Variants in DMBT1 observed in about 807,000 individuals in gnomAD.
DMBT1 encodes the protein deleted in malignant brain tumors 1.
In DMBT1, 198 loss-of-function variants were observed where a neutral mutation model predicts 252.9. The ratio of observed to expected loss-of-function variants is 0.78; its 90% CI spans 0.70 to 0.88. The LOEUF (loss-of-function observed/expected upper bound fraction) is 0.88, where lower values mean the gene tolerates loss of function less well. Among genes scored for constraint, DMBT1 ranks in the 40% least tolerant of loss-of-function variants. The pLI, the probability that DMBT1 is intolerant of heterozygous loss-of-function variation, is 0.00. For synonymous variants in DMBT1, 990 were observed against 942.7 expected (o/e 1.05, Z -0.92); for missense variants, 2,432 against 2,404.7 (o/e 1.01, Z -0.24).
intron 5 of DMBT1, 42 bp from the exon 6 acceptor site, chr10:122,573,673 G>T: frequency 6.2e-7 from 1 of 1,611,686 alleles, no homozygotes; most frequent in Middle Eastern, 1.7e-4. Flanking sequence ...CTCCCCAAGC[G>T]AGGGCTACGA....
In DMBT1 at chr10:122,589,203, C is replaced by T; in HGVS notation, c.2043C>T (p.Cys681=). ...GACATGAGTCCTACCTGTGGAGCTGCCCCAACAATGGCTGGCTCTCCCACA... is the reference window on the plus strand; with the variant it reads ...GACATGAGTCCTACCTGTGGAGCTGTCCCAACAATGGCTGGCTCTCCCACA... ...CSGHESYLWS[C]PNNGWLSHNC... Residue 681 remains cysteine (C), a synonymous_variant, in exon 17 of 56, where the codon TGC becomes TGT. Transcript: ENST00000338354. 1 of 1,588,418 alleles carries T rather than the reference C, an allele frequency of 6.3e-7. No individual in the cohort carries two copies. The highest frequency in any genetic ancestry group is 8.6e-7 in the Non-Finnish European group (1 of 1,165,716).
chr10:122,587,081 C>T (rs560315602), intron 16 of DMBT1, among the ~76,000 whole-genome samples: 1 of 148,394 alleles, frequency 6.7e-6, no homozygotes, highest in Non-Finnish European at 1.5e-5. Context: ...AGCCTCACCT[C>T]TATACTTGGG....
At chr10:122,632,752 C>T in intron 50 of DMBT1, 109 bp from the exon 51 acceptor site, 1 of 1,432,822 alleles carries the variant, frequency 7.0e-7, no homozygotes, top group Non-Finnish European at 9.6e-7. Context: ...GTGTCCAGCT[C>T]CTCCCTGTGG....
Position 122,643,571 on chromosome 10 carries a change from T to C in DMBT1, c.*173T>C. 1.1e-6 allele frequency: 1 copy of C among 950,150 alleles called. No homozygotes were observed. Among genetic ancestry groups the C allele is most frequent in the East Asian group, 2.7e-5 (1 of 37,638 alleles). 58.9% of individuals were successfully genotyped at this position (950,150 alleles called of 1,614,324 possible). A position where few individuals can be genotyped will look rare whatever the true frequency, so the allele number is the denominator to read the frequency against. On this transcript the variant is annotated 3_prime_UTR_variant, in exon 56 of 56. Transcript: ENST00000338354. ...CCGCCTCCCCCAAGGCTCATGGTCC[T>C]TGGAGGACCCGTTGCAGGGTGAGGT...
intron 4 of DMBT1, among the ~76,000 whole-genome samples, chr10:122,571,786 G>T (rs1426669438): frequency 6.6e-6 from 1 of 152,194 alleles, no homozygotes; most frequent in Non-Finnish European, 1.5e-5. Flanking sequence ...CATGCCTGGG[G>T]TGTGCCCTTG....
rs553204869 is a variant in DMBT1 at position 122,597,471 on chromosome 10, G to A, written c.2917+417G>A. On this transcript the variant is annotated intron_variant, in intron 24 of 55. Coordinates refer to ENST00000338354, the MANE Select transcript of DMBT1 (RefSeq NM_001377530.1). ...CCACAGGCAAGCAATGTCAGTGCAG[G>A]CCTGACACCTCCCTTCCTCACTCCT... is the stretch of plus-strand genomic sequence containing the variant. 3.3e-3 allele frequency among the ~76,000 whole-genome samples: 497 copies of A among 152,296 alleles called. 1 individual carries two copies. Among genetic ancestry groups the A allele is most frequent in the Non-Finnish European group, 5.5e-3 (376 of 68,042 alleles).
chr10:122,618,936 G>T (rs765677674), intron 41 of DMBT1, among the ~76,000 whole-genome samples: 1 of 152,242 alleles, frequency 6.6e-6, no homozygotes, highest in African/African-American at 2.4e-5. Flanking sequence ...GTCTGGCCAG[G>T]CATGGCCTTG....
rs969372968 is a variant in DMBT1, at chr10:122,600,842, G to C, written c.3311-149G>C. ...TTTGTCCGTGGATGAGTTCACAGCA[G>C]AGGAGACCTGGGAAGACACATGGGA... On this transcript the variant is annotated intron_variant, in intron 27 of 55. Transcript: ENST00000338354. 143 of 1,051,846 alleles carry C rather than the reference G, an allele frequency of 1.4e-4. 1 individual carries two copies. Among genetic ancestry groups the C allele is most frequent in the Middle Eastern group, 6.7e-4 (3 of 4,464 alleles). The allele number at this position is 1,051,846 out of a possible 1,614,324, so 65.2% of individuals were successfully genotyped here.
rs1047180490 is a variant in DMBT1 at position 122,586,517 on chromosome 10, A to G, written c.1783+134A>G. Reference sequence around the variant, plus strand: ...TCTGATACCTCCTTAGCTCTCTCCTAGGAAACCGCATGAGTCTTCACCACA... The same window carrying G: ...TCTGATACCTCCTTAGCTCTCTCCTGGGAAACCGCATGAGTCTTCACCACA... On this transcript the variant is annotated intron_variant, in intron 16 of 55. Transcript: ENST00000338354. 27 of 1,380,028 alleles carry G rather than the reference A, an allele frequency of 2.0e-5. 4 individuals are homozygous for G. Among genetic ancestry groups the G allele is most frequent in the South Asian group, 4.7e-5 (3 of 63,772 alleles). 85.5% of individuals were successfully genotyped at this position (1,380,028 alleles called of 1,614,324 possible).
intron 27 of DMBT1, 78 bp downstream of exon 27, chr10:122,600,171 C>G: frequency 1.3e-6 from 2 of 1,535,262 alleles, no homozygotes; most frequent in African/African-American, 1.4e-5. Context: ...ACAGAGCTCT[C>G]CTGTTTCTCT....
intron 14 of DMBT1, among the ~76,000 whole-genome samples, chr10:122,584,862 G>A (rs2097776316): frequency 6.7e-6 from 1 of 149,226 alleles, no homozygotes; most frequent in African/African-American, 2.4e-5. Context: ...CGGGCAGGGA[G>A]AGGGATAATA....
Position 122,625,317 on chromosome 10 carries a change from A to G in DMBT1, c.5635+14A>G, listed in dbSNP as rs781237911. 1.0e-5 allele frequency: 16 copies of G among 1,607,780 alleles called. No individual in the cohort carries two copies. Among genetic ancestry groups the G allele is most frequent in the Admixed American group, 1.7e-5 (1 of 59,598 alleles). On this transcript the variant is annotated intron_variant, in intron 45 of 55. Coordinates refer to ENST00000338354, the MANE Select transcript of DMBT1 (RefSeq NM_001377530.1). ...CTACTACGACAGGTGAGTCTGCTAC[A>G]CCCCAGTCCAGCAATATTTCTCTTG...
chr10:122,631,460 C>G (rs972197836), intron 49 of DMBT1, among the ~76,000 whole-genome samples, 179 bp downstream of exon 49: 5 of 152,130 alleles, frequency 3.3e-5, no homozygotes, highest in African/African-American at 9.7e-5. Flanking sequence ...GTTTCTGGAC[C>G]CAGGGCCATT....
At position 122,618,541 on chromosome 10, in the gene DMBT1, G is replaced by A. The variant is rs185011128; in HGVS notation, c.5215+201G>A. 3.4e-3 allele frequency among the ~76,000 whole-genome samples: 511 copies of A among 152,306 alleles called. 2 individuals are homozygous for A. The highest frequency in any genetic ancestry group is 0.011 in the African/African-American group (463 of 41,568). ...CTGTGGCCACTTAGGCCAGGGCTCC[G>A]AACTGAAACAACAACCCAGACTTTA... On this transcript the variant is annotated intron_variant, in intron 41 of 55. Coordinates refer to ENST00000338354, the MANE Select transcript of DMBT1 (RefSeq NM_001377530.1).
chr10:122,560,884 T>C, intron 1 of DMBT1, 53 bp downstream of exon 1: 7 of 1,359,488 alleles, frequency 5.1e-6, no homozygotes, highest in Non-Finnish European at 7.2e-6. Flanking sequence ...GACCCAATCA[T>C]GGCAAATTAT....
At chr10:122,562,373 C>CT (rs150368572) in intron 1 of DMBT1, among the ~76,000 whole-genome samples, 1 of 147,120 alleles carries the variant, frequency 6.8e-6, no homozygotes, top group South Asian at 2.2e-4. Flanking sequence ...AAAGCAGCAC[C>CT]CCCAAACCCA....
At chr10:122,577,007 T>C (rs1281090473) in intron 7 of DMBT1, among the ~76,000 whole-genome samples, 1 of 152,194 alleles carries the variant, frequency 6.6e-6, no homozygotes, top group Admixed American at 6.5e-5. Context: ...AGTTGGCCTG[T>C]GGGTACAATG....
In DMBT1 at chr10:122,579,806, G is replaced by T. The variant is rs1480941376; in HGVS notation, c.908G>T (p.Cys303Phe). Reference protein sequence around the residue: ...SGPIVLDDVRCSGHESYLWSC... With the variant: ...SGPIVLDDVRFSGHESYLWSC... ...CCCATTGTCCTGGATGATGTGCGCT[G>T]CTCAGGACATGAGTCCTACCTGTGG... The change falls in exon 10 of 56, where the codon TGC becomes TTC. Residue 303 changes from cysteine to phenylalanine, a missense_variant. Around this residue, in one of 3 missense-constraint regions of DMBT1, gnomAD observed 1,264 missense variants for 1,082.2 expected, o/e 1.17. Transcript: ENST00000338354. 6.2e-7 allele frequency: 1 copy of T among 1,607,252 alleles called. No homozygotes were observed.
At chr10:122,561,471 C>A (rs141980956) in intron 1 of DMBT1, among the ~76,000 whole-genome samples, 84 of 152,324 alleles carry the variant, frequency 5.5e-4, no homozygotes, top group African/African-American at 2.0e-3. Flanking sequence ...GTCGGTAGCG[C>A]ACTCTGATTG....
Sources: gnomAD v4.1 joint callset for allele counts (sites outside exome capture counted in the v4.1 genomes callset) on GRCh38, gnomAD v4.1.1 for gene constraint, gnomAD v4.1.1 regional missense constraint, MANE v1.5 for transcripts, NCBI Gene and HGNC (gene_info 2026-07-23, HGNC 2026-07-21) for gene names.